The following NOX4 variants were observed in gnomAD, a reference collection of about 807,000 sequenced individuals.
NOX4 encodes the protein NADPH oxidase 4, also known as kidney oxidase-1.
In NOX4, 69 loss-of-function variants were observed where a neutral mutation model predicts 87.6. The ratio of observed to expected loss-of-function variants is 0.79; its 90% confidence interval spans 0.65 to 0.96. The LOEUF is 0.96. NOX4 is among the 40% of genes least tolerant of loss of function. The pLI is 0.00. For missense variants in NOX4, 680 were observed against 681.5 expected, an observed-to-expected ratio of 1.00 and a Z score of 0.02; for synonymous variants, 275 against 238.2, an observed-to-expected ratio of 1.15 and a Z score of -1.42.
At chr11:89,425,402 G>C (rs1435410593) in intron 7 of NOX4, among the ~76,000 whole-genome samples, 1 of 99,382 alleles carries the variant, frequency 1.0e-5, no homozygotes, top group Admixed American at 1.0e-4. Flanking sequence ...TTTCAAAATT[G>C]AAATACCAAA....
intron 11 of NOX4, among the ~76,000 whole-genome samples, chr11:89,390,209 A>G (rs1249188801): frequency 6.6e-6 from 1 of 152,202 alleles, no homozygotes; most frequent in Non-Finnish European, 1.5e-5. Flanking sequence ...AGCATAATGT[A>G]AAATTTAGCT....
chr11:89,442,461 G>C (rs1944500152), intron 5 of NOX4, among the ~76,000 whole-genome samples: 1 of 152,024 alleles, frequency 6.6e-6, no homozygotes, highest in Admixed American at 6.6e-5. Flanking sequence ...CAAAACCCTA[G>C]AATCAATCTA....
the NOX4 span, among the ~76,000 whole-genome samples, chr11:89,508,439 CCTTT>C: frequency 3.3e-5 from 5 of 152,022 alleles, no homozygotes; most frequent in South Asian, 1.0e-3. Flanking sequence ...TTTTCTTGAG[CCTTT>C]CTAAGATTAC....
At chr11:89,401,142 T>C (rs1383745045) in intron 9 of NOX4, among the ~76,000 whole-genome samples, 2 of 152,090 alleles carry the variant, frequency 1.3e-5, no homozygotes, top group Non-Finnish European at 2.9e-5. Flanking sequence ...ATGGTCACTT[T>C]TTAAAGCCTC....
chr11:89,549,213 T>C, the NOX4 span, among the ~76,000 whole-genome samples: 125 of 152,242 alleles, frequency 8.2e-4, 1 homozygote, highest in Admixed American at 9.2e-4. Context: ...ATAAAAAATG[T>C]CACTGTGTGT....
chr11:89,484,674 G>T (rs1480928083), intron 2 of NOX4, among the ~76,000 whole-genome samples: 1 of 151,992 alleles, frequency 6.6e-6, no homozygotes, highest in African/African-American at 2.4e-5. Context: ...AGATATCAAA[G>T]TTTCCTTCCA....
At chr11:89,520,672 C>G in the NOX4 span, among the ~76,000 whole-genome samples, 3 of 152,030 alleles carry the variant, frequency 2.0e-5, no homozygotes, top group Non-Finnish European at 4.4e-5. Context: ...TACTGCTGTT[C>G]AACATAGGAC....
chr11:89,403,380 A>T (rs1941985230), intron 8 of NOX4, among the ~76,000 whole-genome samples: 1 of 152,108 alleles, frequency 6.6e-6, no homozygotes, highest in Non-Finnish European at 1.5e-5. Flanking sequence ...ATGCTTGAAA[A>T]TTTTGCAGTA....
At chr11:89,334,616 T>C (rs973293385) in intron 17 of NOX4, among the ~76,000 whole-genome samples, 2 of 151,756 alleles carry the variant, frequency 1.3e-5, no homozygotes, top group African/African-American at 4.8e-5. Context: ...AATATCCATT[T>C]AATAAGCTGG....
the NOX4 span, among the ~76,000 whole-genome samples, chr11:89,543,155 C>T: frequency 6.6e-6 from 1 of 152,106 alleles, no homozygotes; most frequent in East Asian, 1.9e-4. Flanking sequence ...CACCGCTACA[C>T]AATATACCCA....
At chr11:89,401,436 A>G (rs1941849389) in intron 9 of NOX4, among the ~76,000 whole-genome samples, 1 of 152,098 alleles carries the variant, frequency 6.6e-6, no homozygotes, top group Non-Finnish European at 1.5e-5. Context: ...GATTATTATT[A>G]ATAATAATAA....
intron 12 of NOX4, among the ~76,000 whole-genome samples, chr11:89,366,106 C>G (rs140129559): frequency 0.015 from 2,245 of 152,202 alleles, 54 homozygotes; most frequent in African/African-American, 0.05. Context: ...ATTTGGCAAA[C>G]TGACATATGC....
At chr11:89,443,908 A>C (rs977616447) in intron 5 of NOX4, 3 of 473,658 alleles carry the variant, frequency 6.3e-6, no homozygotes, top group Admixed American at 3.4e-5. Flanking sequence ...TGAACATTGC[A>C]ATATAAAAAG....
At chr11:89,460,550 T>C (rs958687714) in intron 2 of NOX4, among the ~76,000 whole-genome samples, 4 of 152,216 alleles carry the variant, frequency 2.6e-5, no homozygotes, top group South Asian at 2.1e-4. Context: ...AAAAGACACA[T>C]GAAAAAATGT....
rs372011445 is a variant in NOX4, at chr11:89,448,810, G to A, written c.349+630C>T. Reference sequence around the variant, plus strand: ...AGGTGGGAGGATGGCTTAAGCCTGGGAAGTAGAGGTTGCAGTTAGCCAAGA... The same window carrying A: ...AGGTGGGAGGATGGCTTAAGCCTGGAAAGTAGAGGTTGCAGTTAGCCAAGA... On this transcript the variant is annotated intron_variant, in intron 4 of 17. Transcript: ENST00000263317. 3.1e-4 allele frequency among the ~76,000 whole-genome samples: 47 copies of A among 152,248 alleles called. No individual in the cohort carries two copies. The East Asian group carries it at 8.1e-3, about 26-fold the overall frequency.
Position 89,451,910 on chromosome 11 carries a change from C to A in NOX4, c.154-15G>T. On this transcript the variant is annotated splice_polypyrimidine_tract_variant and intron_variant, in intron 2 of 17. Coordinates refer to ENST00000263317, the MANE Select transcript of NOX4 (RefSeq NM_016931.5). ...CACAATCCTAGCTGAACAAATAAGG[C>A]AAGGTCAGCACACAGTTAAGGACAG... is the stretch of plus-strand genomic sequence containing the variant. 6.4e-7 allele frequency: 1 copy of A among 1,560,782 alleles called. No individual in the cohort carries two copies. The highest frequency in any genetic ancestry group is 8.8e-7 in the Non-Finnish European group (1 of 1,132,016).
chr11:89,432,993 C>A (rs1329615686), intron 6 of NOX4, 137 bp from the exon 7 acceptor site: 2 of 617,006 alleles, frequency 3.2e-6, no homozygotes, highest in African/African-American at 1.9e-5. Context: ...CATGTATGTT[C>A]TCCCTCAAAC....
rs1277576949 is a variant in NOX4, at chr11:89,326,576, G to T, written c.*180C>A. The T allele has an allele frequency of 6.4e-6, 3 of 466,790 alleles. No homozygotes were observed. Among genetic ancestry groups the T allele is most frequent in the Non-Finnish European group, 7.5e-6 (2 of 267,416 alleles). 28.9% of individuals were successfully genotyped at this position (466,790 alleles called of 1,614,324 possible). A position where few individuals can be genotyped will look rare whatever the true frequency, so the allele number is the denominator to read the frequency against. On this transcript the variant is annotated 3_prime_UTR_variant, in exon 18 of 18. Transcript: ENST00000263317. ...TTCTTCAGGGTCTCTTTGGTTTCCA[G>T]ATTAAACATGTAATGTGACGGTCAT...
intron 7 of NOX4, among the ~76,000 whole-genome samples, chr11:89,428,110 A>G (rs948590710): frequency 3.3e-5 from 5 of 152,148 alleles, no homozygotes; most frequent in African/African-American, 4.8e-5. Context: ...TTTCATATCC[A>G]ACCAAACTAA....
Sources: gnomAD v4.1 joint callset for allele counts (sites outside exome capture counted in the v4.1 genomes callset) on GRCh38, gnomAD v4.1.1 for gene constraint, MANE v1.5 for transcripts, NCBI Gene and HGNC (gene_info 2026-07-23, HGNC 2026-07-21) for gene names.